Variants in VIT observed in about 807,000 individuals in gnomAD.
VIT encodes vitrin.
VIT carries 99 observed loss-of-function variants against 78.0 expected under a neutral mutation model. The observed-to-expected ratio is 1.27, with a 90% CI of 1.08 to 1.50. The LOEUF (loss-of-function observed/expected upper bound fraction) is 1.50, where lower values mean the gene tolerates loss of function less well. VIT is among the 40% of genes most tolerant of loss of function. VIT has a pLI of 0.00. For synonymous variants in VIT, 374 were observed against 334.3 expected (o/e 1.12, Z -1.29); for missense variants, 1,126 against 875.3 (o/e 1.29, Z -3.61).
At chr2:36,765,993 C>T (rs1486877763) in intron 6 of VIT, among the ~76,000 whole-genome samples, 2 of 152,226 alleles carry the variant, frequency 1.3e-5, no homozygotes, top group Non-Finnish European at 2.9e-5. Flanking sequence ...TGGGTTGTTC[C>T]TTCCCAGGAC....
At chr2:36,739,213 G>A (rs1294580741) in intron 3 of VIT, among the ~76,000 whole-genome samples, 2 of 151,862 alleles carry the variant, frequency 1.3e-5, no homozygotes, top group South Asian at 2.1e-4. Context: ...TTATTAACAG[G>A]CATGAGGCAA....
intron 2 of VIT, among the ~76,000 whole-genome samples, chr2:36,721,687 C>G (rs1666521678): frequency 6.6e-6 from 1 of 152,166 alleles, no homozygotes; most frequent in Non-Finnish European, 1.5e-5. Flanking sequence ...CCGTAGCCCC[C>G]ACTCCGGCAC....
chr2:36,793,496 A>G (rs936222964), intron 12 of VIT, among the ~76,000 whole-genome samples: 1 of 152,176 alleles, frequency 6.6e-6, no homozygotes, highest in Non-Finnish European at 1.5e-5. Flanking sequence ...TAGCTGTCTG[A>G]AGGGATGGGA....
chr2:36,723,093 C>T (rs1483198192), intron 2 of VIT, among the ~76,000 whole-genome samples: 3 of 151,562 alleles, frequency 2.0e-5, no homozygotes, highest in Non-Finnish European at 4.4e-5. Flanking sequence ...ATATTTGTTC[C>T]AGTTATTTAT....
At chr2:36,744,936 T>C (rs1234005434) in intron 4 of VIT, among the ~76,000 whole-genome samples, 1 of 152,212 alleles carries the variant, frequency 6.6e-6, no homozygotes, top group Non-Finnish European at 1.5e-5. Flanking sequence ...TTCTAGGATT[T>C]TTATAGTTTG....
intron 2 of VIT, among the ~76,000 whole-genome samples, chr2:36,716,946 G>A (rs944625010): frequency 5.0e-5 from 7 of 140,106 alleles, no homozygotes; most frequent in Admixed American, 2.4e-4. Context: ...GAGTGATCTC[G>A]GCTCACTGCA....
chr2:36,813,991 G>A (rs1667379618), intron 15 of VIT, among the ~76,000 whole-genome samples, 192 bp from the exon 16 acceptor site: 1 of 152,218 alleles, frequency 6.6e-6, no homozygotes, highest in African/African-American at 2.4e-5. Flanking sequence ...TTTATTGAGT[G>A]AATAAATGAA....
chr2:36,700,850 C>T (rs1665009414), intron 1 of VIT, among the ~76,000 whole-genome samples: 2 of 152,084 alleles, frequency 1.3e-5, no homozygotes, highest in South Asian at 4.1e-4. Context: ...TAACAGCAAA[C>T]ATATGAGGTG....
chr2:36,747,781 G>C (rs187331022), intron 4 of VIT, among the ~76,000 whole-genome samples: 1 of 152,108 alleles, frequency 6.6e-6, no homozygotes, highest in Non-Finnish European at 1.5e-5. Context: ...ATGAGGTTTC[G>C]ACCTGATCAT....
Position 36,814,054 on chromosome 2 carries a change from G to GGTTTT in VIT, c.1904-119_1904-115dup, listed in dbSNP as rs201045545. ...ACCTAGAGGCCTGTAGCGTATTTTT[G>GGTTTT]GTTTTGTTTTGTTTGGGCATATTTC... is the stretch of plus-strand genomic sequence containing the variant. On this transcript the variant is annotated intron_variant, in intron 15 of 15. Coordinates refer to ENST00000379242, the MANE Select transcript of VIT (RefSeq NM_053276.4). 8.3e-4 allele frequency: 884 copies of GGTTTT among 1,071,336 alleles called. 8 individuals carry two copies. In the African/African-American group the frequency reaches 0.013, roughly 15 times the overall value. The allele number at this position is 1,071,336 out of a possible 1,614,324, so 66.4% of individuals were successfully genotyped here.
At position 36,759,336 on chromosome 2, in the gene VIT, A is replaced by G. The variant is rs752813681; in HGVS notation, c.487+290A>G. ...TTGAGTTTTAATGTATTGTTGCTTT[A>G]GAAAATGACATGACATTCTGTCCGG... On this transcript the variant is annotated intron_variant, in intron 6 of 15. Coordinates refer to ENST00000379242, the MANE Select transcript of VIT (RefSeq NM_053276.4). 1.3e-5 allele frequency: 19 copies of G among 1,427,184 alleles called. 1 individual carries two copies. The highest frequency in any genetic ancestry group is 1.7e-5 in the Non-Finnish European group (19 of 1,096,442). The allele number at this position is 1,427,184 out of a possible 1,614,324, so 88.4% of individuals were successfully genotyped here.
rs755746263 is a variant in VIT, at chr2:36,759,034, G to A, written c.475G>A (p.Ala159Thr). The change falls in exon 6 of 16, where the codon GCT becomes ACT. Residue 159 changes from alanine (A) to threonine (T), a missense_variant. By Grantham distance (58) the Ala-to-Thr change is moderately conservative. Transcript: ENST00000379242. The part of the protein sequence containing the change: ...ALTYSSSKSP[A>T]AQAGETTKAY... The stretch of plus-strand genomic sequence containing the variant: ...TACATACTCATCATCGAAAAGTCCA[G>A]CTGCCCAAGCAGGCAAGTGCTCACG... The A allele has an allele frequency of 1.9e-6, 3 of 1,613,982 alleles. No individual in the cohort carries two copies. The highest frequency in any genetic ancestry group is 2.5e-6 in the Non-Finnish European group (3 of 1,180,024).
At chr2:36,734,404 C>G (rs1186529353) in intron 3 of VIT, among the ~76,000 whole-genome samples, 1 of 151,794 alleles carries the variant, frequency 6.6e-6, no homozygotes, top group African/African-American at 2.4e-5. Flanking sequence ...ATTTCCTGAC[C>G]CCTCCTAGGC....
chr2:36,707,285 C>T (rs1275907382), intron 1 of VIT, among the ~76,000 whole-genome samples: 2 of 152,096 alleles, frequency 1.3e-5, no homozygotes, highest in African/African-American at 4.8e-5. Context: ...TGCCTGGCTG[C>T]CCTCCTCCCC....
intron 15 of VIT, 93 bp downstream of exon 15, chr2:36,809,078 T>A: frequency 6.8e-7 from 1 of 1,476,374 alleles, no homozygotes; most frequent in Non-Finnish European, 9.0e-7. Flanking sequence ...TTTTTATGCA[T>A]TGGTTTTTTC....
At chr2:36,707,421 G>T (rs2148423787) in intron 1 of VIT, among the ~76,000 whole-genome samples, 2 of 152,218 alleles carry the variant, frequency 1.3e-5, no homozygotes, top group East Asian at 3.9e-4. Flanking sequence ...AAAAACACAG[G>T]CTTCAGGTCC....
At chr2:36,730,091 T>G (rs1313780143) in intron 3 of VIT, among the ~76,000 whole-genome samples, 2 of 151,560 alleles carry the variant, frequency 1.3e-5, no homozygotes, top group Admixed American at 1.3e-4. Flanking sequence ...AAGTCAGGAG[T>G]TCGAGACCAG....
chr2:36,797,430 T>C (rs1373473103), intron 12 of VIT, among the ~76,000 whole-genome samples: 2 of 152,008 alleles, frequency 1.3e-5, no homozygotes, highest in Non-Finnish European at 2.9e-5. Context: ...ATGTGAGAGA[T>C]ATTTAGAGGT....
chr2:36,767,721 T>G (rs979161600), intron 7 of VIT, among the ~76,000 whole-genome samples: 3 of 152,206 alleles, frequency 2.0e-5, no homozygotes, highest in South Asian at 2.1e-4. Flanking sequence ...TTTTTTGTCT[T>G]ACTACTTTTA....
Sources: gnomAD v4.1 joint callset for allele counts (sites outside exome capture counted in the v4.1 genomes callset) on GRCh38, gnomAD v4.1.1 for gene constraint, MANE v1.5 for transcripts, NCBI Gene and HGNC (gene_info 2026-07-23, HGNC 2026-07-21) for gene names.